The following GORAB variants were observed in gnomAD, a reference collection of about 807,000 sequenced individuals.
GORAB encodes golgin, RAB6 interacting, also known as RAB6-interacting golgin.
A neutral mutation model predicts 29.9 loss-of-function variants in GORAB; 17 were observed. That is an observed-to-expected ratio of 0.57 (90% CI 0.39 to 0.85). The LOEUF is 0.85. Among genes scored for constraint, GORAB ranks in the 40% least tolerant of loss-of-function variants. The pLI, the probability that GORAB is intolerant of heterozygous loss-of-function variation, is 0.00. For synonymous variants in GORAB, 183 were observed against 157.2 expected (o/e 1.16, Z -1.23); for missense variants, 442 against 437.8 (o/e 1.01, Z -0.09).
intron 3 of GORAB, 38 bp downstream of exon 3, chr1:170,542,630 G>T: frequency 8.0e-7 from 1 of 1,252,932 alleles, no homozygotes; most frequent in Non-Finnish European, 1.2e-6. Context: ...TTTGTAACCT[G>T]TAACCAGTTG....
intron 3 of GORAB, 149 bp downstream of exon 3, chr1:170,542,741 A>T: frequency 1.4e-6 from 1 of 696,768 alleles, no homozygotes; most frequent in Non-Finnish European, 2.6e-6. Context: ...ATGCTTTATA[A>T]GTGATACTGA....
intron 2 of GORAB, among the ~76,000 whole-genome samples, chr1:170,541,619 G>A (rs1649430946): frequency 6.6e-6 from 1 of 152,096 alleles, no homozygotes; most frequent in Non-Finnish European, 1.5e-5. Flanking sequence ...TGTAAGAAGT[G>A]ACAGTAATAG....
intron 4 of GORAB, among the ~76,000 whole-genome samples, chr1:170,546,113 G>A (rs920041104): frequency 6.6e-6 from 1 of 152,078 alleles, no homozygotes; most frequent in South Asian, 2.1e-4. Context: ...ATTTGAGGCC[G>A]GGCACGGTGG....
intron 1 of GORAB, among the ~76,000 whole-genome samples, chr1:170,533,027 G>A (rs1277900847): frequency 6.6e-6 from 1 of 152,164 alleles, no homozygotes; most frequent in Non-Finnish European, 1.5e-5. Flanking sequence ...GGAAAACTTA[G>A]TAATATTAAT....
rs931293346 is a variant in GORAB at position 170,546,119 on chromosome 1, G to A, written c.662+1274G>A. On this transcript the variant is annotated intron_variant, in intron 4 of 4. Coordinates refer to ENST00000367763, the MANE Select transcript of GORAB (RefSeq NM_152281.3). ...TCAGTTGAAATTTGAGGCCGGGCACGGTGGCTCACGCCTGTAATCTCAGCA... is the reference window on the plus strand; with the variant it reads ...TCAGTTGAAATTTGAGGCCGGGCACAGTGGCTCACGCCTGTAATCTCAGCA... 3.3e-5 allele frequency among the ~76,000 whole-genome samples: 5 copies of A among 152,108 alleles called. No homozygotes were observed. The South Asian group carries it at 8.3e-4, about 25-fold the overall frequency.
At position 170,532,195 on chromosome 1, in the gene GORAB, A is replaced by C. The variant is rs1406731241; in HGVS notation, c.-29A>C. ...GCAGTCGCGGCTGCGAGATTTGGGC[A>C]CTTTTGGGGGTGCCGGTGGCCCGGG... On this transcript the variant is annotated 5_prime_UTR_variant, in exon 1 of 5. Transcript: ENST00000367763. 6 of 1,613,850 alleles carry C rather than the reference A, an allele frequency of 3.7e-6. No homozygotes were observed. Among genetic ancestry groups the C allele is most frequent in the Non-Finnish European group, 3.4e-6 (4 of 1,180,030 alleles).
At position 170,542,521 on chromosome 1, in the gene GORAB, A is replaced by G. The variant is rs1161042516; in HGVS notation, c.450A>G (p.Gln150=). 3 of 1,613,828 alleles carry G rather than the reference A, an allele frequency of 1.9e-6. No homozygotes were observed. The highest frequency in any genetic ancestry group is 4.5e-5 in the East Asian group (2 of 44,846). Residue 150 remains glutamine (Q), a synonymous_variant, in exon 3 of 5, where the codon CAA becomes CAG. Transcript: ENST00000367763. The part of the protein sequence containing the change: ...LQEKSRWEVL[Q]QEQRLMEEKN... ...AAAAATCTCGTTGGGAAGTCCTCCAACAAGAACAACGGCTAATGGAAGAGA... is the reference window on the plus strand; with the variant it reads ...AAAAATCTCGTTGGGAAGTCCTCCAGCAAGAACAACGGCTAATGGAAGAGA...
At chr1:170,551,118 C>G (rs1450858452) in intron 4 of GORAB, among the ~76,000 whole-genome samples, 1 of 152,094 alleles carries the variant, frequency 6.6e-6, no homozygotes, top group African/African-American at 2.4e-5. Flanking sequence ...CAACTTAACC[C>G]AAGGATTCTC....
rs76753490 is a variant in GORAB at position 170,553,346 on chromosome 1, C to A, written c.*884C>A. The A allele has an allele frequency of 0.023, 10,555 of 452,410 alleles. 790 individuals are homozygous for A. The highest frequency in any genetic ancestry group is 0.18 in the African/African-American group (8,842 of 49,970). The allele number at this position is 452,410 out of a possible 1,614,324, so 28.0% of individuals were successfully genotyped here. A position where few individuals can be genotyped will look rare whatever the true frequency, so the allele number is the denominator to read the frequency against. On this transcript the variant is annotated 3_prime_UTR_variant, in exon 5 of 5. Transcript: ENST00000367763. The stretch of plus-strand genomic sequence containing the variant: ...ATGAAGCGTTTAAATTGTTAAAATG[C>A]TGATTTTCTTATTAGTTTGTTAATT...
At position 170,552,660 on chromosome 1, in the gene GORAB, C is replaced by T; in HGVS notation, c.*198C>T. 1 of 634,532 alleles carries T rather than the reference C, an allele frequency of 1.6e-6. No individual in the cohort carries two copies. Among genetic ancestry groups the T allele is most frequent in the Non-Finnish European group, 2.9e-6 (1 of 345,188 alleles). The allele number at this position is 634,532 out of a possible 1,614,324, so 39.3% of individuals were successfully genotyped here. A position where few individuals can be genotyped will look rare whatever the true frequency, so the allele number is the denominator to read the frequency against. On this transcript the variant is annotated 3_prime_UTR_variant, in exon 5 of 5. Coordinates refer to ENST00000367763, the MANE Select transcript of GORAB (RefSeq NM_152281.3). ...CTGTATTTCTAGGGGTATGTTTCAC[C>T]TTGATTTTGGCCCGGTTCTTTCAGT...
intron 4 of GORAB, among the ~76,000 whole-genome samples, chr1:170,550,180 A>T (rs1053655265): frequency 1.3e-5 from 2 of 152,198 alleles, no homozygotes; most frequent in Non-Finnish European, 2.9e-5. Flanking sequence ...CCTAATTAGA[A>T]TAGTGATGGG....
chr1:170,532,362 G>T, intron 1 of GORAB, 78 bp downstream of exon 1: 1 of 1,496,662 alleles, frequency 6.7e-7, no homozygotes, highest in South Asian at 1.1e-5. Context: ...GGCGGGGAAA[G>T]GGGGCGTGGA....
intron 4 of GORAB, among the ~76,000 whole-genome samples, chr1:170,549,937 C>T (rs552241905): frequency 6.6e-6 from 1 of 152,212 alleles, no homozygotes; most frequent in East Asian, 1.9e-4. Context: ...AGTTCTGTTT[C>T]TTGAGCACCT....
chr1:170,545,686 C>T (rs914186089), intron 4 of GORAB: 1 of 983,850 alleles, frequency 1.0e-6, no homozygotes, highest in African/African-American at 1.7e-5. Flanking sequence ...CAGAATGCCT[C>T]ATTAGGCCAG....
intron 1 of GORAB, chr1:170,536,295 T>C (rs981402928): frequency 7.2e-5 from 11 of 152,118 alleles, no homozygotes; most frequent in African/African-American, 1.9e-4. Flanking sequence ...TCTGCTGATA[T>C]ATAAAAAATA....
At chr1:170,541,093 A>G (rs1649386321) in intron 2 of GORAB, among the ~76,000 whole-genome samples, 1 of 150,968 alleles carries the variant, frequency 6.6e-6, no homozygotes, top group African/African-American at 2.4e-5. Context: ...AGTCCCAGCT[A>G]CTTGGGAGAC....
chr1:170,542,263 G>T (rs553094084), intron 2 of GORAB, among the ~76,000 whole-genome samples: 1 of 152,142 alleles, frequency 6.6e-6, no homozygotes, highest in Admixed American at 6.5e-5. Context: ...GATTTCAGAG[G>T]TCCAATTTAT....
chr1:170,545,894 T>A, intron 4 of GORAB: 1 of 239,428 alleles, frequency 4.2e-6, no homozygotes, highest in Non-Finnish European at 6.8e-6. Context: ...ATGCCATCAG[T>A]AGCTGATAAC....
rs1649247958 is a variant in GORAB at position 170,539,258 on chromosome 1, A to G, written c.110A>G (p.Gln37Arg). The change falls in exon 2 of 5, where the codon CAA becomes CGA. Residue 37 changes from glutamine to arginine, a missense_variant. Physicochemically the swap from Gln to Arg is conservative, Grantham distance 43. Coordinates refer to ENST00000367763, the MANE Select transcript of GORAB (RefSeq NM_152281.3). ...RRLPAKKSRQ[Q>R]LQREKALVEQ... Reference sequence around the variant, plus strand: ...CTCCCCGCGAAGAAAAGTCGACAACAACTTCAGCGAGAAAAAGCCCTTGTA... The same window carrying G: ...CTCCCCGCGAAGAAAAGTCGACAACGACTTCAGCGAGAAAAAGCCCTTGTA... 6.2e-7 allele frequency: 1 copy of G among 1,614,030 alleles called. No individual in the cohort carries two copies. The highest frequency in any genetic ancestry group is 1.3e-5 in the African/African-American group (1 of 74,928).
Sources: gnomAD v4.1 joint callset for allele counts (sites outside exome capture counted in the v4.1 genomes callset) on GRCh38, gnomAD v4.1.1 for gene constraint, MANE v1.5 for transcripts, NCBI Gene and HGNC (gene_info 2026-07-23, HGNC 2026-07-21) for gene names.